The following ADGRB3 variants were observed in gnomAD, a reference collection of about 807,000 sequenced individuals.
The protein encoded by ADGRB3 is brain-specific angiogenesis inhibitor 3.
Under a neutral mutation model 193.4 loss-of-function variants are expected in ADGRB3, and 37 were observed. The observed-to-expected ratio is 0.19, with a 90% CI of 0.15 to 0.25. The LOEUF is 0.25. ADGRB3 is among the 10% of genes least tolerant of loss of function. ADGRB3 has a pLI of 1.00. For missense variants in ADGRB3, 1,637 were observed against 1,852.9 expected (o/e 0.88, Z 2.14); for synonymous variants, 690 against 644.2 (o/e 1.07, Z -1.08).
intron 17 of ADGRB3, among the ~76,000 whole-genome samples, chr6:69,109,144 A>G (rs1224822561): frequency 6.6e-6 from 1 of 151,908 alleles, no homozygotes; most frequent in African/African-American, 2.4e-5. Flanking sequence ...AGATTCTTGG[A>G]TTATGTTATT....
intron 3 of ADGRB3, among the ~76,000 whole-genome samples, chr6:68,753,446 T>C (rs952506538): frequency 1.3e-5 from 2 of 152,128 alleles, no homozygotes; most frequent in African/African-American, 4.8e-5. Context: ...TTGGAATTAG[T>C]CTCTCTGGCA....
At chr6:69,011,894 T>C (rs1769948351) in intron 11 of ADGRB3, among the ~76,000 whole-genome samples, 1 of 152,024 alleles carries the variant, frequency 6.6e-6, no homozygotes, top group Non-Finnish European at 1.5e-5. Flanking sequence ...TTCCAAAGTC[T>C]AATCAATAGT....
In ADGRB3 at chr6:68,808,720, AGAG is replaced by A. The variant is rs539295410; in HGVS notation, c.758-121832_758-121830del. Among the ~76,000 whole-genome samples, 452 of 142,674 alleles carry A rather than the reference AGAG, an allele frequency of 3.2e-3. 6 individuals carry two copies. The highest frequency in any genetic ancestry group is 0.011 in the African/African-American group (440 of 41,098). 93.6% of individuals were successfully genotyped at this position (142,674 alleles called of 152,430 possible). A position where few individuals can be genotyped will look rare whatever the true frequency, so the allele number is the denominator to read the frequency against. ...CAATGGTAGATATCATAAGGAAAGA[AGAG>A]GAGGAGAGAAAAAAGGAGGAGGAAA... On this transcript the variant is annotated intron_variant, in intron 3 of 31. Coordinates refer to ENST00000370598, the MANE Select transcript of ADGRB3 (RefSeq NM_001704.3).
intron 31 of ADGRB3, among the ~76,000 whole-genome samples, chr6:69,385,799 G>A (rs553607457): frequency 1.3e-5 from 2 of 152,086 alleles, no homozygotes; most frequent in Middle Eastern, 3.4e-3. Context: ...ACAGCTCCAC[G>A]GTTCATCATT....
intron 17 of ADGRB3, among the ~76,000 whole-genome samples, chr6:69,133,809 A>G (rs1020701197): frequency 6.6e-6 from 1 of 151,906 alleles, no homozygotes; most frequent in African/African-American, 2.4e-5. Flanking sequence ...ACTGTACCCA[A>G]TATGTGGTCT....
chr6:68,848,125 T>C lies in ADGRB3; in HGVS notation c.758-82434T>C, dbSNP rs540945665. On this transcript the variant is annotated intron_variant, in intron 3 of 31. Coordinates refer to ENST00000370598, the MANE Select transcript of ADGRB3 (RefSeq NM_001704.3). ...TAATAAAAATAAAAACAGTTTATAATTTTAAAAGGATTAAAAACTTTTAAA... is the reference window on the plus strand; with the variant it reads ...TAATAAAAATAAAAACAGTTTATAACTTTAAAAGGATTAAAAACTTTTAAA... 8.5e-5 allele frequency among the ~76,000 whole-genome samples: 13 copies of C among 152,158 alleles called. 2 individuals carry two copies. In the South Asian group the frequency reaches 2.7e-3, roughly 32 times the overall value.
chr6:69,351,825 A>C (rs1306929013), intron 26 of ADGRB3, among the ~76,000 whole-genome samples: 2 of 152,228 alleles, frequency 1.3e-5, no homozygotes, highest in African/African-American at 4.8e-5. Context: ...AGCCAAAAAT[A>C]TTGGTAACTA....
intron 17 of ADGRB3, among the ~76,000 whole-genome samples, chr6:69,083,058 T>C (rs1409277788): frequency 6.6e-6 from 1 of 152,158 alleles, no homozygotes; most frequent in Admixed American, 6.5e-5. Context: ...TTTCCACATA[T>C]AGTTCAGAAT....
At chr6:68,666,551 A>G (rs1768805850) in intron 3 of ADGRB3, among the ~76,000 whole-genome samples, 2 of 151,850 alleles carry the variant, frequency 1.3e-5, no homozygotes, top group Admixed American at 1.3e-4. Context: ...CATAGGTCCC[A>G]GAGAATAACA....
intron 26 of ADGRB3, 102 bp downstream of exon 26, chr6:69,339,606 TCTC>T: frequency 1.5e-6 from 2 of 1,333,958 alleles, no homozygotes; most frequent in Non-Finnish European, 1.0e-6. Context: ...TTAAAGCTGG[TCTC>T]CTCCATTGAC....
At chr6:69,282,516 T>A (rs556728668) in intron 20 of ADGRB3, among the ~76,000 whole-genome samples, 1 of 152,192 alleles carries the variant, frequency 6.6e-6, no homozygotes, top group African/African-American at 2.4e-5. Context: ...CAGAATTTGA[T>A]TTTTAAAAAT....
chr6:69,085,567 T>C (rs1317421782), intron 17 of ADGRB3, among the ~76,000 whole-genome samples: 2 of 151,578 alleles, frequency 1.3e-5, no homozygotes, highest in African/African-American at 2.4e-5. Flanking sequence ...TGACTCAGAC[T>C]AATTTTTTTT....
intron 20 of ADGRB3, among the ~76,000 whole-genome samples, chr6:69,320,776 C>G (rs549258030): frequency 6.0e-5 from 9 of 150,348 alleles, no homozygotes; most frequent in Admixed American, 1.3e-4. Flanking sequence ...TCTCTTTATT[C>G]TCTGTTTTCA....
intron 3 of ADGRB3, among the ~76,000 whole-genome samples, chr6:68,894,868 T>G (rs550474177): frequency 2.6e-5 from 4 of 151,984 alleles, no homozygotes; most frequent in South Asian, 2.1e-4. Context: ...GAATGAGCTA[T>G]TTTTTTAAAA....
At chr6:68,746,201 T>G (rs1766080642) in intron 3 of ADGRB3, among the ~76,000 whole-genome samples, 1 of 151,968 alleles carries the variant, frequency 6.6e-6, no homozygotes, top group African/African-American at 2.4e-5. Context: ...ATCTAAAAAT[T>G]TTAAAATGTT....
chr6:68,892,598 G>C (rs991065740), intron 3 of ADGRB3, among the ~76,000 whole-genome samples: 1 of 152,020 alleles, frequency 6.6e-6, no homozygotes. Context: ...AACTCCCTAA[G>C]AGCAGGGATC....
At chr6:68,874,765 ACT>A (rs1356098113) in intron 3 of ADGRB3, among the ~76,000 whole-genome samples, 1 of 152,148 alleles carries the variant, frequency 6.6e-6, no homozygotes, top group African/African-American at 2.4e-5. Context: ...TGTGTATCAA[ACT>A]CTTCGCTATT....
chr6:68,977,021 T>C (rs1768770545), intron 10 of ADGRB3, among the ~76,000 whole-genome samples: 1 of 149,054 alleles, frequency 6.7e-6, no homozygotes, highest in Non-Finnish European at 1.5e-5. Flanking sequence ...ATTATATTGA[T>C]ATAAATTCAA....
chr6:68,969,688 C>A (rs1419843057), intron 8 of ADGRB3, among the ~76,000 whole-genome samples: 1 of 152,120 alleles, frequency 6.6e-6, no homozygotes, highest in Non-Finnish European at 1.5e-5. Context: ...CATCCTTGAC[C>A]CCTTTGTCTT....
Sources: allele counts gnomAD v4.1 joint callset (sites outside exome capture counted in the v4.1 genomes callset), GRCh38; gene constraint gnomAD v4.1.1; transcripts MANE v1.5; gene names NCBI Gene and HGNC (gene_info 2026-07-23, HGNC 2026-07-21).